The following OR56A3 variants were observed in gnomAD, a reference collection of about 807,000 sequenced individuals.
OR56A3 encodes olfactory receptor 56A3.
In OR56A3, 23 loss-of-function variants were observed where a neutral mutation model predicts 17.5. That is an observed-to-expected ratio of 1.32 (90% CI 0.95 to 1.87). The LOEUF (loss-of-function observed/expected upper bound fraction) is 1.87. Ranked by LOEUF, OR56A3 falls within the 40% of genes most tolerant of loss-of-function variation. The pLI is 0.00. For synonymous variants in OR56A3, 175 were observed against 150.6 expected (o/e 1.16, Z -1.19); for missense variants, 366 against 380.1 (o/e 0.96, Z 0.31).
chr11:6,002,639 G>C, the OR56A3 span: 1 of 1,614,222 alleles, frequency 6.2e-7, no homozygotes, highest in Non-Finnish European at 8.5e-7. Context: ...CCATGACCAT[G>C]AACGTGCAGG....
chr11:6,007,104 G>A, the OR56A3 span, among the ~76,000 whole-genome samples: 1 of 152,206 alleles, frequency 6.6e-6, no homozygotes, highest in African/African-American at 2.4e-5. Flanking sequence ...GTTGTGAAAG[G>A]TGTTCAGCAT....
the OR56A3 span, among the ~76,000 whole-genome samples, chr11:5,980,549 C>G: frequency 6.6e-6 from 1 of 152,190 alleles, no homozygotes; most frequent in Non-Finnish European, 1.5e-5. Context: ...TTCTCCATTC[C>G]TTTGCTTTGA....
At chr11:6,003,126 GT>G in the OR56A3 span, 1 of 1,578,626 alleles carries the variant, frequency 6.3e-7, no homozygotes, top group Non-Finnish European at 8.6e-7. Flanking sequence ...TCCCAATAAA[GT>G]TTTTAAAATC....
At chr11:6,017,554 AC>A in the OR56A3 span, among the ~76,000 whole-genome samples, 1 of 152,106 alleles carries the variant, frequency 6.6e-6, no homozygotes, top group Non-Finnish European at 1.5e-5. Context: ...CCAAGAAACC[AC>A]CCTCATAATT....
the OR56A3 span, among the ~76,000 whole-genome samples, chr11:5,971,532 GGATT>G: frequency 1.3e-5 from 2 of 152,086 alleles, no homozygotes; most frequent in African/African-American, 4.8e-5. Context: ...TCTGCTACCT[GGATT>G]TTACTAAGAA....
Position 5,948,022 on chromosome 11 carries a change from C to G in OR56A3, c.676C>G (p.Leu226Val). 6.2e-7 allele frequency: 1 copy of G among 1,614,216 alleles called. No homozygotes were observed. The highest frequency in any genetic ancestry group is 8.5e-7 in the Non-Finnish European group (1 of 1,180,042). The change falls in exon 3 of 3, where the codon CTG becomes GTG. Residue 226 changes from leucine to valine, a missense_variant. Leu to Val is a conservative substitution (Grantham distance 32). Transcript: ENST00000641160. ...TATCTTCCTCTCCTACACCTTCATTCTGCGAGCTGTGCTGAGACTCAAGGC... is the reference window on the plus strand; with the variant it reads ...TATCTTCCTCTCCTACACCTTCATTGTGCGAGCTGTGCTGAGACTCAAGGC... ...ILIFLSYTFI[L>V]RAVLRLKAEG...
chr11:5,963,949 C>A, the OR56A3 span, among the ~76,000 whole-genome samples: 1 of 151,970 alleles, frequency 6.6e-6, no homozygotes, highest in East Asian at 1.9e-4. Context: ...TTTTCAATAA[C>A]CTTTCTGTCT....
At chr11:5,971,421 C>T in the OR56A3 span, among the ~76,000 whole-genome samples, 1 of 152,190 alleles carries the variant, frequency 6.6e-6, no homozygotes, top group South Asian at 2.1e-4. Flanking sequence ...TGTGTAGTCC[C>T]CATCTACGAT....
chr11:5,986,938 G>A, the OR56A3 span: 5 of 1,610,110 alleles, frequency 3.1e-6, no homozygotes, highest in Non-Finnish European at 3.4e-6. Context: ...CATGATTTCT[G>A]CATTCCTGCT....
the OR56A3 span, chr11:6,006,476 C>A: frequency 1.3e-5 from 2 of 152,158 alleles, no homozygotes; most frequent in Admixed American, 6.5e-5. Context: ...GGTATCTGAC[C>A]ATGAGTCATT....
the OR56A3 span, among the ~76,000 whole-genome samples, chr11:6,004,123 G>A: frequency 3.3e-5 from 5 of 152,124 alleles, no homozygotes; most frequent in East Asian, 9.6e-4. Flanking sequence ...GGAGGCCAAG[G>A]GAGGCAGATC....
downstream of OR56A3, among the ~76,000 whole-genome samples, chr11:5,956,223 A>T (rs1010109073): frequency 6.6e-6 from 1 of 152,248 alleles, no homozygotes; most frequent in Non-Finnish European, 1.5e-5. Context: ...GATTCTGATG[A>T]TTCAGAAGAT....
Position 5,950,426 on chromosome 11 carries a change from A to G in OR56A3, c.*2132A>G, listed in dbSNP as rs1450326629. ...AATCTGTTTTGCTTCACTTATATGT[A>G]ATTTTTAGACATTTATAAACAATGT... On this transcript the variant is annotated 3_prime_UTR_variant, in exon 3 of 3. Coordinates refer to ENST00000641160, the MANE Select transcript of OR56A3 (RefSeq NM_001003443.3). 2 of 152,206 alleles carry G rather than the reference A, an allele frequency of 1.3e-5. No homozygotes were observed. The highest frequency in any genetic ancestry group is 2.9e-5 in the Non-Finnish European group (2 of 67,990). 9.4% of individuals were successfully genotyped at this position (152,206 alleles called of 1,614,324 possible). A position where few individuals can be genotyped will look rare whatever the true frequency, so the allele number is the denominator to read the frequency against.
the OR56A3 span, among the ~76,000 whole-genome samples, chr11:5,976,714 T>G: frequency 6.6e-6 from 1 of 152,174 alleles, no homozygotes; most frequent in East Asian, 1.9e-4. Context: ...TCGCTTGTCT[T>G]TTTTTTCACC....
At chr11:6,016,174 G>T in the OR56A3 span, among the ~76,000 whole-genome samples, 1 of 152,040 alleles carries the variant, frequency 6.6e-6, no homozygotes, top group East Asian at 1.9e-4. Flanking sequence ...AAAGTGTGTA[G>T]CAACTCCCCA....
At chr11:5,955,907 A>G (rs1388605663), downstream of OR56A3, among the ~76,000 whole-genome samples, 1 of 152,194 alleles carries the variant, frequency 6.6e-6, no homozygotes, top group Non-Finnish European at 1.5e-5. Context: ...CATTTGCCCT[A>G]CGAATACTTG....
the OR56A3 span, chr11:6,016,999 T>C: frequency 2.6e-5 from 4 of 152,104 alleles, no homozygotes; most frequent in Non-Finnish European, 5.9e-5. Context: ...TTTTTTAGTC[T>C]ATGGCCATAC....
chr11:5,971,471 A>C, the OR56A3 span, among the ~76,000 whole-genome samples: 41 of 152,284 alleles, frequency 2.7e-4, no homozygotes, highest in African/African-American at 8.7e-4. Flanking sequence ...ATCCTCTTCA[A>C]GTCCTCATTC....
the OR56A3 span, among the ~76,000 whole-genome samples, chr11:5,961,519 T>G: frequency 6.6e-6 from 1 of 152,150 alleles, no homozygotes; most frequent in African/African-American, 2.4e-5. Flanking sequence ...CGGTGCAAGA[T>G]GTGCTTTGTT....
Sources: gnomAD v4.1 joint callset for allele counts (sites outside exome capture counted in the v4.1 genomes callset) on GRCh38, gnomAD v4.1.1 for gene constraint, MANE v1.5 for transcripts, NCBI Gene and HGNC (gene_info 2026-07-23, HGNC 2026-07-21) for gene names.